The following SHROOM2 variants were observed in gnomAD, a reference collection of about 807,000 sequenced individuals.
The protein encoded by SHROOM2 is protein Shroom2.
SHROOM2 carries 33 observed loss-of-function variants against 75.9 expected under a neutral mutation model. That is an observed-to-expected ratio of 0.43 (90% CI 0.33 to 0.58). The LOEUF (loss-of-function observed/expected upper bound fraction) is 0.58, where lower values mean the gene tolerates loss of function less well. Among genes scored for constraint, SHROOM2 ranks in the 20% least tolerant of loss-of-function variants. The probability of loss-of-function intolerance (pLI) is 0.04; values close to 1 mark genes in which losing one functional copy is unlikely to be tolerated. For synonymous variants in SHROOM2, 655 were observed against 663.6 expected, an observed-to-expected ratio of 0.99 and a Z score of 0.20; for missense variants, 1,434 against 1,461.2, an observed-to-expected ratio of 0.98 and a Z score of 0.30.
intron 1 of SHROOM2, among the ~76,000 whole-genome samples, chrX:9,842,820 C>A (rs2083986356): frequency 9.0e-6 from 1 of 111,571 alleles, no homozygotes; most frequent in Non-Finnish European, 1.9e-5. Flanking sequence ...TCTGCCCCTC[C>A]CTCCTCCTTC....
At chrX:9,861,448 A>G (rs186458137) in intron 1 of SHROOM2, among the ~76,000 whole-genome samples, 190 of 112,192 alleles carry the variant, frequency 1.7e-3, no homozygotes, top group Non-Finnish European at 2.9e-3. Flanking sequence ...GGGATTACAG[A>G]TGTGAGCCAC....
Position 9,889,417 on chromosome X carries a change from T to G in SHROOM2, c.318-1560T>G, listed in dbSNP as rs144938211. On this transcript the variant is annotated intron_variant, in intron 2 of 9. Transcript: ENST00000380913. ...AGGCCCGCTTGAGCTCGTTCTCCAT[T>G]CTTGATTGGGTTATCAGCTGTCAGT... Among the ~76,000 whole-genome samples, 719 of 112,561 alleles carry G rather than the reference T, an allele frequency of 6.4e-3. 18 individuals carry two copies. Among genetic ancestry groups the G allele is most frequent in the Admixed American group, 0.054 (570 of 10,596 alleles).
intron 1 of SHROOM2, among the ~76,000 whole-genome samples, chrX:9,798,125 G>A (rs2083705065): frequency 9.0e-6 from 1 of 110,908 alleles, no homozygotes; most frequent in African/African-American, 3.3e-5. Context: ...GAGTGGGAGT[G>A]CTGAGGAAAG....
At chrX:9,916,835 T>C (rs1047505120) in intron 5 of SHROOM2, among the ~76,000 whole-genome samples, 3 of 112,047 alleles carry the variant, frequency 2.7e-5, no homozygotes, top group African/African-American at 9.7e-5. Context: ...CCCTACCGTG[T>C]GCTGTGTGCC....
At chrX:9,911,301 T>C (rs181112200) in intron 5 of SHROOM2, among the ~76,000 whole-genome samples, 1 of 111,808 alleles carries the variant, frequency 8.9e-6, no homozygotes, top group East Asian at 2.8e-4. Flanking sequence ...CTTATTTACA[T>C]GCTTAAGGGA....
intron 1 of SHROOM2, among the ~76,000 whole-genome samples, chrX:9,866,118 C>G (rs1332034161): frequency 1.1e-5 from 1 of 92,018 alleles, no homozygotes; most frequent in African/African-American, 4.2e-5. Flanking sequence ...TAAGTCTCAA[C>G]ACATTTGGGT....
At chrX:9,858,174 G>C in intron 1 of SHROOM2, among the ~76,000 whole-genome samples, 1 of 111,755 alleles carries the variant, frequency 8.9e-6, no homozygotes, top group Non-Finnish European at 1.9e-5. Flanking sequence ...GGCTTGAGGG[G>C]CCCTTTGAGT....
intron 2 of SHROOM2, among the ~76,000 whole-genome samples, chrX:9,881,506 GA>G (rs1365427938): frequency 8.9e-6 from 1 of 112,214 alleles, no homozygotes; most frequent in African/African-American, 3.2e-5. Context: ...GATCCCATGT[GA>G]GTGGACGTCT....
chrX:9,799,154 A>ATTTT (rs1569135161), intron 1 of SHROOM2, among the ~76,000 whole-genome samples: 4 of 59,393 alleles, frequency 6.7e-5, no homozygotes, highest in African/African-American at 4.3e-4. Flanking sequence ...GGAGAGTTTA[A>ATTTT]TTCTTTTTTT....
rs777018315 is a variant in SHROOM2 at position 9,824,636 on chromosome X, C to T, written c.165+37926C>T. ...TGCTTAAACTTTTCTTAGCTGGTTT[C>T]CGGAGCTCCCTGGGAAGAATGAGGG... On this transcript the variant is annotated intron_variant, in intron 1 of 9. Transcript: ENST00000380913. Among the ~76,000 whole-genome samples the T allele has an allele frequency of 3.6e-5, 4 of 111,333 alleles. No homozygotes were observed. In the South Asian group the frequency reaches 1.1e-3, roughly 32 times the overall value.
At chrX:9,871,457 C>T (rs1020579813) in intron 1 of SHROOM2, among the ~76,000 whole-genome samples, 5 of 111,539 alleles carry the variant, frequency 4.5e-5, no homozygotes, top group East Asian at 5.7e-4. Flanking sequence ...TGGGGCATGT[C>T]GAAACCCAGT....
chrX:9,898,176 G>C lies in SHROOM2; in HGVS notation c.2791-14G>C. ...GCTTGAGGACTTGGTGTCTCATTAT[G>C]TTGCCCTTTGCAGGAAGCTTCTGTC... On this transcript the variant is annotated splice_polypyrimidine_tract_variant and intron_variant, in intron 4 of 9. Coordinates refer to ENST00000380913, the MANE Select transcript of SHROOM2 (RefSeq NM_001649.4). 1 of 1,161,134 alleles carries C rather than the reference G, an allele frequency of 8.6e-7. No individual in the cohort carries two copies. Among genetic ancestry groups the C allele is most frequent in the Non-Finnish European group, 1.2e-6 (1 of 864,430 alleles).
At chrX:9,866,904 C>G (rs762409521) in intron 1 of SHROOM2, among the ~76,000 whole-genome samples, 2 of 110,665 alleles carry the variant, frequency 1.8e-5, no homozygotes, top group Admixed American at 9.6e-5. Flanking sequence ...CACGGGGAAG[C>G]CTCTGCGGAA....
At chrX:9,943,441 A>G (rs1189700765) in intron 8 of SHROOM2, among the ~76,000 whole-genome samples, 2 of 111,063 alleles carry the variant, frequency 1.8e-5, no homozygotes, top group Non-Finnish European at 3.8e-5. Flanking sequence ...GTAGTGCACT[A>G]TGATCATGTC....
chrX:9,881,888 T>G (rs1039013374), intron 2 of SHROOM2, among the ~76,000 whole-genome samples: 2 of 112,451 alleles, frequency 1.8e-5, no homozygotes, highest in Non-Finnish European at 3.7e-5. Context: ...GAAGAGTATC[T>G]TCTTAACTCT....
chrX:9,940,963 G>C (rs955772260), intron 8 of SHROOM2, among the ~76,000 whole-genome samples: 2 of 111,793 alleles, frequency 1.8e-5, no homozygotes, highest in Admixed American at 9.5e-5. Flanking sequence ...CCCCAGGCAG[G>C]GAGGCAGCAG....
At chrX:9,818,661 C>G (rs1202525055) in intron 1 of SHROOM2, 1 of 376,159 alleles carries the variant, frequency 2.7e-6, no homozygotes, top group Non-Finnish European at 4.8e-6. Flanking sequence ...CTCTAATCTC[C>G]TCTTTAAAAA....
intron 2 of SHROOM2, among the ~76,000 whole-genome samples, chrX:9,885,204 G>A (rs986526829): frequency 1.3e-4 from 14 of 111,926 alleles, no homozygotes; most frequent in Middle Eastern, 4.6e-3. Context: ...TGAGACCCAC[G>A]GTTCTAGGGA....
At chrX:9,885,097 G>A (rs1015504476) in intron 2 of SHROOM2, among the ~76,000 whole-genome samples, 1 of 111,437 alleles carries the variant, frequency 9.0e-6, no homozygotes, top group Non-Finnish European at 1.9e-5. Flanking sequence ...AATGGCTTGG[G>A]AGAATGATCA....
Sources: gnomAD v4.1 joint callset for allele counts (sites outside exome capture counted in the v4.1 genomes callset) on GRCh38, gnomAD v4.1.1 for gene constraint, MANE v1.5 for transcripts, NCBI Gene and HGNC (gene_info 2026-07-23, HGNC 2026-07-21) for gene names.